PRKCI: variants seen among roughly 807,000 people sequenced by gnomAD.
PRKCI encodes the protein protein kinase C iota.
A neutral mutation model predicts 84.0 loss-of-function variants in PRKCI; 43 were observed. The observed-to-expected ratio is 0.51, with a 90% CI of 0.40 to 0.66. The LOEUF (loss-of-function observed/expected upper bound fraction) is 0.66. PRKCI is among the 30% of genes least tolerant of loss of function. PRKCI has a pLI of 0.00. For synonymous variants in PRKCI, 216 were observed against 234.4 expected (o/e 0.92, Z 0.72); for missense variants, 459 against 745.6 (o/e 0.62, Z 4.48).
chr3:170,281,256 G>A lies in PRKCI; in HGVS notation c.973G>A (p.Glu325Lys). ...TGGGCTGCATTCTTGCTTTCAGACA[G>A]AAAGCAGGTAAGATTGAAAGATAGT... is the stretch of plus-strand genomic sequence containing the variant. ...LVGLHSCFQT[E>K]SRLFFVIEYV... is the part of the protein sequence containing the mutation. Residue 325 changes from glutamate (E) to lysine (K), a missense_variant, in exon 10 of 18, where the codon GAA (glutamate) becomes AAA (lysine). Around this residue, in one of 2 missense-constraint regions of PRKCI, gnomAD observed 209 missense variants for 425.9 expected, o/e 0.49. Transcript: ENST00000295797. 1.2e-6 allele frequency: 2 copies of A among 1,613,494 alleles called. No individual in the cohort carries two copies. The highest frequency in any genetic ancestry group is 1.7e-6 in the Non-Finnish European group (2 of 1,179,592).
rs2108859539 is a variant in PRKCI at position 170,282,072 on chromosome 3, T to G, written c.1067+104T>G. ...GATAAATAATTTATTTTGATACTAG[T>G]TAATTATTTGTAAGTCATGCAGAGG... On this transcript the variant is annotated intron_variant, in intron 11 of 17. Coordinates refer to ENST00000295797, the MANE Select transcript of PRKCI (RefSeq NM_002740.6). 3.3e-6 allele frequency: 4 copies of G among 1,215,138 alleles called. No individual in the cohort carries two copies. In the South Asian group the frequency reaches 6.7e-5, roughly 20 times the overall value. 75.3% of individuals were successfully genotyped at this position (1,215,138 alleles called of 1,614,324 possible). A position where few individuals can be genotyped will look rare whatever the true frequency, so the allele number is the denominator to read the frequency against.
At chr3:170,261,390 T>A (rs2108849149) in intron 3 of PRKCI, among the ~76,000 whole-genome samples, 1 of 151,860 alleles carries the variant, frequency 6.6e-6, no homozygotes, top group African/African-American at 2.4e-5. Context: ...AATCTTTCCT[T>A]AAGTATAATG....
At position 170,305,740 on chromosome 3, in the gene PRKCI, A is replaced by C. The variant is rs1259364000; in HGVS notation, c.*2613A>C. 6.6e-6 allele frequency: 1 copy of C among 152,162 alleles called. No individual in the cohort carries two copies. Among genetic ancestry groups the C allele is most frequent in the African/African-American group, 2.4e-5 (1 of 41,442 alleles). 9.4% of individuals were successfully genotyped at this position (152,162 alleles called of 1,614,324 possible). ...GGCAGCGGACAGTCAGAATGGTTGG[A>C]ATTTTGGCTTTCTAAGAAAAACTTT... On this transcript the variant is annotated 3_prime_UTR_variant, in exon 18 of 18. Coordinates refer to ENST00000295797, the MANE Select transcript of PRKCI (RefSeq NM_002740.6).
rs780153417 is a variant in PRKCI at position 170,275,291 on chromosome 3, A to G, written c.705+4A>G. On this transcript the variant is annotated splice_donor_region_variant and intron_variant, in intron 8 of 17. Coordinates refer to ENST00000295797, the MANE Select transcript of PRKCI (RefSeq NM_002740.6). ...TCAAGTTGGTGAAGAAAAAGAGGTA[A>G]GATAATTTGTCTTATTGTACATTAT... 6.3e-7 allele frequency: 1 copy of G among 1,599,014 alleles called. No individual in the cohort carries two copies. The highest frequency in any genetic ancestry group is 8.5e-7 in the Non-Finnish European group (1 of 1,174,462).
chr3:170,286,393 G>A (rs1734391100), intron 12 of PRKCI, among the ~76,000 whole-genome samples: 1 of 150,672 alleles, frequency 6.6e-6, no homozygotes, highest in African/African-American at 2.4e-5. Context: ...GACAGTGATA[G>A]AGGAGTCTTA....
At position 170,293,570 on chromosome 3, in the gene PRKCI, G is replaced by C. The variant is rs1052637662; in HGVS notation, c.1417+62G>C. 6.5e-6 allele frequency: 10 copies of C among 1,527,038 alleles called. No homozygotes were observed. In the Admixed American group the frequency reaches 9.3e-5, roughly 14 times the overall value. 94.6% of individuals were successfully genotyped at this position (1,527,038 alleles called of 1,614,324 possible). On this transcript the variant is annotated intron_variant, in intron 14 of 17. Coordinates refer to ENST00000295797, the MANE Select transcript of PRKCI (RefSeq NM_002740.6). ...AACCTATTCTAGAGTACAAATGAGA[G>C]TGATTCAGGTTACTACTTTGAGTAA...
chr3:170,236,533 G>C (rs1732980840), intron 2 of PRKCI, among the ~76,000 whole-genome samples: 1 of 152,158 alleles, frequency 6.6e-6, no homozygotes, highest in African/African-American at 2.4e-5. Flanking sequence ...TTATTTCAAA[G>C]TAGTGGCAGA....
At chr3:170,279,419 A>G (rs1734193237) in intron 8 of PRKCI, among the ~76,000 whole-genome samples, 1 of 152,004 alleles carries the variant, frequency 6.6e-6, no homozygotes, top group African/African-American at 2.4e-5. Context: ...GGGTTTCTTT[A>G]TCTTTCTCAA....
At chr3:170,261,468 A>T (rs1297448106) in intron 3 of PRKCI, among the ~76,000 whole-genome samples, 1 of 150,976 alleles carries the variant, frequency 6.6e-6, no homozygotes, top group South Asian at 2.1e-4. Flanking sequence ...TTAAAAAAAA[A>T]AAAAAAACAG....
At chr3:170,256,323 T>C (rs1416222389) in intron 2 of PRKCI, among the ~76,000 whole-genome samples, 3 of 152,224 alleles carry the variant, frequency 2.0e-5, no homozygotes, top group Non-Finnish European at 4.4e-5. Context: ...GCTGAGAGAC[T>C]TTTTATTATG....
Position 170,281,281 on chromosome 3 carries a change from T to C in PRKCI, c.980+18T>C. 2 of 1,596,824 alleles carry C rather than the reference T, an allele frequency of 1.3e-6. No homozygotes were observed. Reference sequence around the variant, plus strand: ...GAAAGCAGGTAAGATTGAAAGATAGTAGAATGATTACTGGGCTTCATATTT... The same window carrying C: ...GAAAGCAGGTAAGATTGAAAGATAGCAGAATGATTACTGGGCTTCATATTT... On this transcript the variant is annotated intron_variant, in intron 10 of 17. Coordinates refer to ENST00000295797, the MANE Select transcript of PRKCI (RefSeq NM_002740.6).
rs1355467175 is a variant in PRKCI, at chr3:170,247,126, G to C, written c.223+11775G>C. On this transcript the variant is annotated intron_variant, in intron 2 of 17. Transcript: ENST00000295797. ...TCTTTGCCTGGAGTGCAGTGGTACA[G>C]TCATGGCTCACTGCAGCCTTGACCT... Among the ~76,000 whole-genome samples the C allele has an allele frequency of 2.6e-5, 4 of 151,974 alleles. No homozygotes were observed. In the East Asian group the frequency reaches 7.8e-4, roughly 29 times the overall value.
chr3:170,225,931 G>T (rs1732617542), intron 1 of PRKCI, among the ~76,000 whole-genome samples: 1 of 149,976 alleles, frequency 6.7e-6, no homozygotes, highest in South Asian at 2.1e-4. Context: ...TATTTTTTTG[G>T]AGATGGAGTC....
rs562538527 is a variant in PRKCI at position 170,272,455 on chromosome 3, A to G, written c.592-831A>G. ...CATATAAGCTTAGGAATGGGTTTGT[A>G]GTAAAGGGGAAAATCCAATCTTAAG... On this transcript the variant is annotated intron_variant, in intron 6 of 17. Transcript: ENST00000295797. Among the ~76,000 whole-genome samples, 10 of 152,322 alleles carry G rather than the reference A, an allele frequency of 6.6e-5. 1 individual carries two copies. Among genetic ancestry groups the G allele is most frequent in the South Asian group, 6.2e-4 (3 of 4,822 alleles).
intron 2 of PRKCI, among the ~76,000 whole-genome samples, chr3:170,254,838 A>AT (rs1404729816): frequency 6.6e-6 from 1 of 151,806 alleles, no homozygotes; most frequent in East Asian, 1.9e-4. Context: ...ATTTACAATG[A>AT]TTTTTTTCTA....
At chr3:170,236,107 AT>A (rs11407334) in intron 2 of PRKCI, among the ~76,000 whole-genome samples, 5 of 145,856 alleles carry the variant, frequency 3.4e-5, no homozygotes, top group African/African-American at 5.1e-5. Context: ...TTTAATTTAA[AT>A]TTTTTTTTTT....
chr3:170,280,387 T>C lies in PRKCI; in HGVS notation c.866T>C (p.Leu289Pro). Reference protein sequence around the residue: ...IYAMKVVKKELVNDDEDIDWV... With the variant: ...IYAMKVVKKEPVNDDEDIDWV... ...GCAATGAAAGTTGTGAAAAAAGAGC[T>C]TGTTAATGATGATGAGGTAAGCACT... The change falls in exon 9 of 18, where the codon CTT becomes CCT. Residue 289 changes from leucine to proline, a missense_variant. This residue lies in a region of PRKCI where 209 missense variants were observed against 425.9 expected (regional missense o/e 0.49). Transcript: ENST00000295797. 6.2e-7 allele frequency: 1 copy of C among 1,613,482 alleles called. No homozygotes were observed. The highest frequency in any genetic ancestry group is 8.5e-7 in the Non-Finnish European group (1 of 1,179,608).
At chr3:170,290,105 G>A (rs79948358) in intron 12 of PRKCI, among the ~76,000 whole-genome samples, 5,790 of 151,890 alleles carry the variant, frequency 0.038, 197 homozygotes, top group East Asian at 0.085. Flanking sequence ...TGAGTTTTGT[G>A]CTGCCCCTCT....
chr3:170,280,400 T>A lies in PRKCI; in HGVS notation c.879T>A (p.Asp293Glu), dbSNP rs748272532. ...KVVKKELVND[D>E]EDIDWVQTEK... The stretch of plus-strand genomic sequence containing the variant: ...TGAAAAAAGAGCTTGTTAATGATGA[T>A]GAGGTAAGCACTGCATATTTTATTG... The change falls in exon 9 of 18, where the codon GAT (aspartate) becomes GAA (glutamate). Residue 293 changes from aspartate (D) to glutamate (E), a missense_variant. This residue lies in a region of PRKCI where 209 missense variants were observed against 425.9 expected (regional missense o/e 0.49). Coordinates refer to ENST00000295797, the MANE Select transcript of PRKCI (RefSeq NM_002740.6). The A allele has an allele frequency of 3.1e-6, 5 of 1,612,472 alleles. No individual in the cohort carries two copies. The highest frequency in any genetic ancestry group is 4.2e-6 in the Non-Finnish European group (5 of 1,178,898).
Sources: allele counts gnomAD v4.1 joint callset (sites outside exome capture counted in the v4.1 genomes callset), GRCh38; gene constraint gnomAD v4.1.1; regional missense constraint gnomAD v4.1.1; transcripts MANE v1.5; gene names NCBI Gene and HGNC (gene_info 2026-07-23, HGNC 2026-07-21).